The following C1QTNF3 variants were observed in gnomAD, a reference collection of about 807,000 sequenced individuals.
C1QTNF3 encodes the protein C1q and TNF related 3.
A neutral mutation model predicts 32.6 loss-of-function variants in C1QTNF3; 26 were observed. That is an observed-to-expected ratio of 0.80 (90% CI 0.58 to 1.11). The LOEUF (loss-of-function observed/expected upper bound fraction) is 1.11. Ranked by LOEUF, C1QTNF3 falls within the 50% of genes least tolerant of loss-of-function variation. The pLI, the probability that C1QTNF3 is intolerant of heterozygous loss-of-function variation, is 0.00. For missense variants in C1QTNF3, 362 were observed against 398.2 expected, an observed-to-expected ratio of 0.91 and a Z score of 0.77; for synonymous variants, 155 against 146.0, an observed-to-expected ratio of 1.06 and a Z score of -0.44.
At position 34,020,618 on chromosome 5, in the gene C1QTNF3, TGGA is replaced by T. The variant is rs1312685293; in HGVS notation, c.922_924del (p.Ser308del). On this transcript the variant is annotated inframe_deletion, in exon 6 of 6. Transcript: ENST00000382065. ...TCAAAGAGCAGGAATCCTGCAAAGG[TGGA>T]GAAGCGTTGGTGGTCCCCATGGAGA... The T allele has an allele frequency of 6.2e-7, 1 of 1,614,108 alleles. No homozygotes were observed. Among genetic ancestry groups the T allele is most frequent in the Non-Finnish European group, 8.5e-7 (1 of 1,180,042 alleles).
At chr5:34,172,381 C>T in the C1QTNF3 span, among the ~76,000 whole-genome samples, 1 of 141,886 alleles carries the variant, frequency 7.0e-6, no homozygotes, top group African/African-American at 2.6e-5. Context: ...TATTTTTAGA[C>T]CTTAGTTGAA....
At chr5:34,118,392 T>G in the C1QTNF3 span, among the ~76,000 whole-genome samples, 2 of 152,178 alleles carry the variant, frequency 1.3e-5, no homozygotes, top group Non-Finnish European at 2.9e-5. Context: ...CATGTGAATT[T>G]GAATTGCTGT....
the C1QTNF3 span, among the ~76,000 whole-genome samples, chr5:34,214,848 G>A: frequency 6.6e-6 from 1 of 152,130 alleles, no homozygotes; most frequent in African/African-American, 2.4e-5. Context: ...TATACCTACT[G>A]ATAGCTGACA....
chr5:34,219,880 T>G, the C1QTNF3 span: 2 of 152,118 alleles, frequency 1.3e-5, no homozygotes, highest in Non-Finnish European at 2.9e-5. Flanking sequence ...GCTATACTAA[T>G]AAACAAGAAG....
the C1QTNF3 span, among the ~76,000 whole-genome samples, chr5:34,060,647 C>T: frequency 6.6e-6 from 1 of 152,132 alleles, no homozygotes; most frequent in African/African-American, 2.4e-5. Context: ...ACACATCTTA[C>T]ATGGATGGTA....
At chr5:34,053,294 C>G in the C1QTNF3 span, among the ~76,000 whole-genome samples, 3 of 152,208 alleles carry the variant, frequency 2.0e-5, no homozygotes, top group Non-Finnish European at 4.4e-5. Context: ...ACACTCCACC[C>G]GAACCACAAA....
At chr5:34,127,159 A>C in the C1QTNF3 span, among the ~76,000 whole-genome samples, 1 of 152,018 alleles carries the variant, frequency 6.6e-6, no homozygotes, top group Non-Finnish European at 1.5e-5. Flanking sequence ...AAAATGGACT[A>C]ATACAGAAAG....
chr5:34,181,956 G>A, the C1QTNF3 span, among the ~76,000 whole-genome samples: 1 of 152,312 alleles, frequency 6.6e-6, no homozygotes, highest in East Asian at 1.9e-4. Context: ...GCTAAGGCAG[G>A]AGGATCACCG....
chr5:34,218,237 G>C, the C1QTNF3 span: 1 of 152,108 alleles, frequency 6.6e-6, no homozygotes, highest in Non-Finnish European at 1.5e-5. Flanking sequence ...AGAATCAATA[G>C]AATCATAGCA....
chr5:34,175,842 G>C, the C1QTNF3 span: 1 of 786,992 alleles, frequency 1.3e-6, no homozygotes, highest in African/African-American at 1.7e-5. Flanking sequence ...CATGAAATCG[G>C]CAAAATTCCA....
the C1QTNF3 span, among the ~76,000 whole-genome samples, chr5:34,216,120 A>AT: frequency 6.6e-6 from 1 of 152,254 alleles, no homozygotes; most frequent in Non-Finnish European, 1.5e-5. Context: ...TTGGCAAAGA[A>AT]TATCACAAAA....
At chr5:34,032,903 C>T (rs1754649825) in intron 3 of C1QTNF3, among the ~76,000 whole-genome samples, 1 of 152,068 alleles carries the variant, frequency 6.6e-6, no homozygotes, top group African/African-American at 2.4e-5. Context: ...TTAATAAATA[C>T]AATATTATAA....
the C1QTNF3 span, among the ~76,000 whole-genome samples, chr5:34,065,575 G>A: frequency 6.6e-6 from 1 of 152,070 alleles, no homozygotes; most frequent in Non-Finnish European, 1.5e-5. Flanking sequence ...ACTGAGGCAG[G>A]AGAATCACTT....
At chr5:34,067,803 GC>G in the C1QTNF3 span, among the ~76,000 whole-genome samples, 1 of 152,158 alleles carries the variant, frequency 6.6e-6, no homozygotes, top group Non-Finnish European at 1.5e-5. Context: ...TATTCTTGAA[GC>G]TGGGAGCTAA....
intron 4 of C1QTNF3, among the ~76,000 whole-genome samples, chr5:34,026,126 C>T (rs141288279): frequency 1.1e-4 from 17 of 152,276 alleles, no homozygotes; most frequent in African/African-American, 3.1e-4. Context: ...TAAATATCCA[C>T]GTTCTGCAAC....
the C1QTNF3 span, among the ~76,000 whole-genome samples, chr5:34,203,963 AGAG>A: frequency 6.6e-6 from 1 of 152,182 alleles, no homozygotes; most frequent in African/African-American, 2.4e-5. Context: ...CAATTCAGCA[AGAG>A]GATATAACAA....
rs1359745760 is a variant in C1QTNF3 at position 34,023,946 on chromosome 5, G to C, written c.763C>G (p.Leu255Val). ...AAGACTGTGTTGCCATTGTGCATAA[G>C]GTACACATACACTTCCTCAACATCC... ...HEDVEEVYVY[L>V]MHNGNTVFSM... Residue 255 changes from leucine to valine, a missense_variant, in exon 5 of 6, where the codon CTT (leucine) becomes GTT (valine). By Grantham distance (32) the Leu-to-Val change is conservative. Coordinates refer to ENST00000382065, the MANE Select transcript of C1QTNF3 (RefSeq NM_181435.6). The C allele has an allele frequency of 5.6e-6, 9 of 1,613,916 alleles. No homozygotes were observed. Among genetic ancestry groups the C allele is most frequent in the South Asian group, 1.1e-5 (1 of 91,080 alleles).
At chr5:34,163,389 C>A in the C1QTNF3 span, among the ~76,000 whole-genome samples, 1 of 151,836 alleles carries the variant, frequency 6.6e-6, no homozygotes, top group East Asian at 1.9e-4. Context: ...TTTCTTTAAA[C>A]TGCAATCTAG....
the C1QTNF3 span, among the ~76,000 whole-genome samples, chr5:34,202,143 C>T: frequency 6.6e-6 from 1 of 152,116 alleles, no homozygotes; most frequent in South Asian, 2.1e-4. Context: ...ATAAAGCTAG[C>T]TCAAGGGAAG....
Sources: gnomAD v4.1 joint callset for allele counts (sites outside exome capture counted in the v4.1 genomes callset) on GRCh38, gnomAD v4.1.1 for gene constraint, MANE v1.5 for transcripts, NCBI Gene and HGNC (gene_info 2026-07-23, HGNC 2026-07-21) for gene names.